PSD3: variants seen among roughly 807,000 people sequenced by gnomAD.
The protein encoded by PSD3 is PH and SEC7 domain-containing protein 3.
In PSD3, 49 loss-of-function variants were observed where a neutral mutation model predicts 105.5. The ratio of observed to expected loss-of-function variants is 0.46; its 90% confidence interval spans 0.37 to 0.59. The LOEUF is 0.59. Ranked by LOEUF, PSD3 falls within the 20% of genes least tolerant of loss-of-function variation. The pLI, the probability that PSD3 is intolerant of heterozygous loss-of-function variation, is 0.00. For missense variants in PSD3, 1,561 were observed against 1,263.8 expected, an observed-to-expected ratio of 1.24 and a Z score of -3.57; for synonymous variants, 557 against 457.8, an observed-to-expected ratio of 1.22 and a Z score of -2.77.
At chr8:18,806,555 T>C (rs1041389205) in intron 4 of PSD3, among the ~76,000 whole-genome samples, 1 of 152,244 alleles carries the variant, frequency 6.6e-6, no homozygotes, top group Admixed American at 6.5e-5. Flanking sequence ...TTACCACAGA[T>C]GCTAAACCAA....
At chr8:19,049,927 A>T (rs771657617) in intron 1 of PSD3, among the ~76,000 whole-genome samples, 1 of 152,102 alleles carries the variant, frequency 6.6e-6, no homozygotes, top group African/African-American at 2.4e-5. Context: ...ATAAAAACCA[A>T]TCATGACAAG....
intron 1 of PSD3, chr8:19,000,447 T>G (rs1826313302): frequency 6.7e-6 from 1 of 149,758 alleles, no homozygotes; most frequent in Non-Finnish European, 1.5e-5. Context: ...AAAGAATGAA[T>G]GAAACAGATC....
chr8:18,610,961 G>A (rs1386840075), intron 11 of PSD3, among the ~76,000 whole-genome samples: 2 of 152,266 alleles, frequency 1.3e-5, no homozygotes, highest in Middle Eastern at 3.4e-3. Flanking sequence ...CTACTACGAT[G>A]TGCCATAATT....
At chr8:18,686,551 A>G (rs1456407994) in intron 9 of PSD3, among the ~76,000 whole-genome samples, 2 of 152,232 alleles carry the variant, frequency 1.3e-5, no homozygotes, top group African/African-American at 4.8e-5. Flanking sequence ...TGCTGCTAGC[A>G]GTCTCACAGC....
At chr8:18,549,286 A>G (rs2130066880) in intron 15 of PSD3, among the ~76,000 whole-genome samples, 1 of 149,984 alleles carries the variant, frequency 6.7e-6, no homozygotes, top group Admixed American at 6.7e-5. Context: ...GGTTCAAGTG[A>G]TTCTCCTGCC....
intron 9 of PSD3, 42 bp downstream of exon 9, chr8:18,765,407 G>A: frequency 6.6e-7 from 1 of 1,506,678 alleles, no homozygotes; most frequent in Non-Finnish European, 9.2e-7. Flanking sequence ...GCAGCAAACA[G>A]AAATACAAGC....
chr8:18,787,261 C>T (rs919934742), intron 8 of PSD3, among the ~76,000 whole-genome samples: 1 of 152,126 alleles, frequency 6.6e-6, no homozygotes, highest in Non-Finnish European at 1.5e-5. Flanking sequence ...CAATAAAGTA[C>T]TTTAATAATA....
In PSD3 at chr8:18,527,804, G is replaced by A. The variant is rs1283097925; in HGVS notation, c.*7939C>T. The A allele has an allele frequency of 2.0e-5, 3 of 152,446 alleles. No individual in the cohort carries two copies. The highest frequency in any genetic ancestry group is 2.9e-5 in the Non-Finnish European group (2 of 68,032). The allele number at this position is 152,446 out of a possible 1,614,324, so 9.4% of individuals were successfully genotyped here. A position where few individuals can be genotyped will look rare whatever the true frequency, so the allele number is the denominator to read the frequency against. ...GTGATGAGGAACAGGTTTCCAGTAC[G>A]TGTTATAGTACCGCCAGCTTACCCA... is the stretch of plus-strand genomic sequence containing the variant. On this transcript the variant is annotated 3_prime_UTR_variant, in exon 16 of 16. Coordinates refer to ENST00000327040, the MANE Select transcript of PSD3 (RefSeq NM_015310.4).
At chr8:18,957,621 G>C (rs1429033252) in intron 1 of PSD3, among the ~76,000 whole-genome samples, 1 of 152,170 alleles carries the variant, frequency 6.6e-6, no homozygotes, top group Non-Finnish European at 1.5e-5. Context: ...AGGGAGGGCT[G>C]TAAAAAAAGA....
At chr8:18,770,827 A>G (rs1807450849) in intron 8 of PSD3, among the ~76,000 whole-genome samples, 1 of 152,258 alleles carries the variant, frequency 6.6e-6, no homozygotes, top group South Asian at 2.1e-4. Context: ...TCAGTGTGAC[A>G]GCCTTTTGCA....
chr8:18,704,502 T>C lies in PSD3; in HGVS notation c.2173-48817A>G, dbSNP rs568844023. On this transcript the variant is annotated intron_variant, in intron 9 of 15. Transcript: ENST00000327040. ...ACAGGGACGTGCCACCACACTCGGC[T>C]AATTTTTGTATTTTTAGTAGAGACA... Among the ~76,000 whole-genome samples, 9 of 152,316 alleles carry C rather than the reference T, an allele frequency of 5.9e-5. No homozygotes were observed. The South Asian group carries it at 1.9e-3, about 32-fold the overall frequency.
chr8:18,864,573 A>G (rs541439570), intron 4 of PSD3: 5 of 152,296 alleles, frequency 3.3e-5, no homozygotes, highest in African/African-American at 1.2e-4. Flanking sequence ...GGGAGAATTC[A>G]TTAGTCTTAT....
intron 9 of PSD3, among the ~76,000 whole-genome samples, chr8:18,676,752 T>C (rs541048773): frequency 4.3e-4 from 66 of 152,340 alleles, no homozygotes; most frequent in African/African-American, 1.6e-3. Context: ...TAACAATATC[T>C]GTGCTTTGCC....
At chr8:18,657,242 T>TA (rs1410877901) in intron 9 of PSD3, among the ~76,000 whole-genome samples, 1 of 151,944 alleles carries the variant, frequency 6.6e-6, no homozygotes, top group Non-Finnish European at 1.5e-5. Flanking sequence ...TACATGTGTG[T>TA]AAGCAAACAA....
intron 14 of PSD3, among the ~76,000 whole-genome samples, chr8:18,564,241 AT>A (rs1436944222): frequency 2.0e-5 from 3 of 152,144 alleles, no homozygotes; most frequent in Non-Finnish European, 4.4e-5. Context: ...CTGCTGAAAT[AT>A]TTAGTATTGG....
Position 18,872,445 on chromosome 8 carries a change from G to A in PSD3, c.419C>T (p.Ala140Val), listed in dbSNP as rs59099976. The change falls in exon 3 of 16, where the codon GCC becomes GTC. Residue 140 changes from alanine (A) to valine (V), a missense_variant. By Grantham distance (64) the Ala-to-Val change is moderately conservative (BLOSUM62 0). Coordinates refer to ENST00000327040, the MANE Select transcript of PSD3 (RefSeq NM_015310.4). ...PIDSLISALK[A>V]TEARIISGTL... Reference sequence around the variant, plus strand: ...TCCGGAAATGATTCTGGCTTCTGTGGCTTTCAGAGCTGAAATCAAAGAGTC... The same window carrying A: ...TCCGGAAATGATTCTGGCTTCTGTGACTTTCAGAGCTGAAATCAAAGAGTC... 1,126 of 1,614,154 alleles carry A rather than the reference G, an allele frequency of 7.0e-4. 6 individuals are homozygous for A. The African/African-American group carries it at 0.014, about 20-fold the overall frequency.
intron 1 of PSD3, among the ~76,000 whole-genome samples, chr8:19,056,788 A>G (rs1320972237): frequency 2.6e-5 from 4 of 152,204 alleles, no homozygotes; most frequent in African/African-American, 7.2e-5. Context: ...AAAATAAGTG[A>G]ACAAAGACAA....
At chr8:18,951,338 G>T (rs1461914355) in intron 1 of PSD3, among the ~76,000 whole-genome samples, 1 of 152,090 alleles carries the variant, frequency 6.6e-6, no homozygotes, top group East Asian at 1.9e-4. Flanking sequence ...TGAATTAAAG[G>T]CTACAGTGAG....
intron 1 of PSD3, among the ~76,000 whole-genome samples, chr8:18,942,979 G>A (rs998382355): frequency 6.6e-6 from 1 of 152,310 alleles, no homozygotes; most frequent in East Asian, 1.9e-4. Flanking sequence ...CACACAGGAG[G>A]AATGTGGGTT....
Sources: gnomAD v4.1 joint callset for allele counts (sites outside exome capture counted in the v4.1 genomes callset) on GRCh38, gnomAD v4.1.1 for gene constraint, MANE v1.5 for transcripts, NCBI Gene and HGNC (gene_info 2026-07-23, HGNC 2026-07-21) for gene names.